The following HDAC9 variants were observed in gnomAD, a reference collection of about 807,000 sequenced individuals.
The protein encoded by HDAC9 is MEF-2 interacting transcription repressor (MITR) protein.
HDAC9 carries 41 observed loss-of-function variants against 139.4 expected under a neutral mutation model. The ratio of observed to expected loss-of-function variants is 0.29; its 90% CI spans 0.23 to 0.38. The LOEUF (loss-of-function observed/expected upper bound fraction) is 0.38, where lower values mean the gene tolerates loss of function less well. HDAC9 is among the 10% of genes least tolerant of loss of function. The pLI is 1.00. For synonymous variants in HDAC9, 517 were observed against 476.2 expected, an observed-to-expected ratio of 1.09 and a Z score of -1.12; for missense variants, 1,147 against 1,297.0, an observed-to-expected ratio of 0.88 and a Z score of 1.78.
intron 1 of HDAC9, among the ~76,000 whole-genome samples, chr7:18,364,132 G>T (rs188151237): frequency 6.6e-6 from 1 of 152,162 alleles, no homozygotes; most frequent in Non-Finnish European, 1.5e-5. Flanking sequence ...AGGATGCAAA[G>T]TTGGCGTCAC....
rs141938399 is a variant in HDAC9 at position 18,541,811 on chromosome 7, C to T, written c.23-43470C>T. 4.4e-3 allele frequency among the ~76,000 whole-genome samples: 675 copies of T among 152,242 alleles called. 4 individuals carry two copies. The highest frequency in any genetic ancestry group is 7.0e-3 in the Admixed American group (107 of 15,298). ...AGACTGTGAGTGGAATTTTAGATAA[C>T]AACATATGTTCATAGTGATTCATGA... On this transcript the variant is annotated intron_variant, in intron 2 of 25. Transcript: ENST00000686413.
intron 2 of HDAC9, among the ~76,000 whole-genome samples, chr7:18,261,400 C>G (rs1795670197): frequency 6.6e-6 from 1 of 152,150 alleles, no homozygotes; most frequent in Non-Finnish European, 1.5e-5. Flanking sequence ...GAATCCAGTA[C>G]TGCAACTCTC....
chr7:18,644,817 C>G, intron 9 of HDAC9, 24 bp downstream of exon 9: 2 of 1,599,456 alleles, frequency 1.3e-6, no homozygotes, highest in Non-Finnish European at 1.7e-6. Flanking sequence ...CAGCATCAGC[C>G]TTAATCAACC....
intron 1 of HDAC9, among the ~76,000 whole-genome samples, chr7:18,484,678 T>C (rs143279994): frequency 1.3e-5 from 2 of 152,232 alleles, no homozygotes; most frequent in African/African-American, 4.8e-5. Context: ...CAACACATAA[T>C]TATTCCTAAT....
intron 1 of HDAC9, among the ~76,000 whole-genome samples, chr7:18,345,938 A>G (rs1451895943): frequency 6.6e-6 from 1 of 152,088 alleles, no homozygotes; most frequent in Non-Finnish European, 1.5e-5. Context: ...TGTATAGTAC[A>G]TTTATGTTCC....
intron 1 of HDAC9, among the ~76,000 whole-genome samples, chr7:18,295,513 CATATT>C (rs1295653806): frequency 2.0e-5 from 3 of 152,056 alleles, no homozygotes; most frequent in African/African-American, 7.2e-5. Flanking sequence ...ATAAAAGAGA[CATATT>C]ATTTTCCCAA....
At chr7:18,832,786 A>G (rs1795952482) in intron 19 of HDAC9, among the ~76,000 whole-genome samples, 1 of 152,134 alleles carries the variant, frequency 6.6e-6, no homozygotes, top group South Asian at 2.1e-4. Flanking sequence ...CCCAGGCTGG[A>G]GTGCAATGGC....
intron 12 of HDAC9, among the ~76,000 whole-genome samples, chr7:18,711,830 A>G (rs192784235): frequency 2.0e-4 from 31 of 152,144 alleles, no homozygotes; most frequent in African/African-American, 5.8e-4. Context: ...TTTCTCTTGG[A>G]GCTCAAATAG....
chr7:18,781,489 C>G (rs1343546477), intron 16 of HDAC9, among the ~76,000 whole-genome samples: 1 of 152,024 alleles, frequency 6.6e-6, no homozygotes, highest in African/African-American at 2.4e-5. Context: ...GGTCCAGCAC[C>G]TAGTAGGTGC....
intron 14 of HDAC9, among the ~76,000 whole-genome samples, chr7:18,759,152 C>G (rs1248281674): frequency 6.6e-6 from 1 of 152,072 alleles, no homozygotes; most frequent in African/African-American, 2.4e-5. Flanking sequence ...AATGAGCTGT[C>G]TTTACTGTTA....
intron 3 of HDAC9, among the ~76,000 whole-genome samples, chr7:18,586,225 A>G (rs184332534): frequency 6.6e-6 from 1 of 152,218 alleles, no homozygotes; most frequent in East Asian, 1.9e-4. Context: ...TTATTATCTA[A>G]TAATATTAGA....
At chr7:18,529,159 T>C (rs573797894) in intron 2 of HDAC9, among the ~76,000 whole-genome samples, 1 of 151,896 alleles carries the variant, frequency 6.6e-6, no homozygotes, top group East Asian at 1.9e-4. Context: ...AAATTAAAAA[T>C]AGGAGACAGA....
At chr7:18,355,592 C>G (rs1171527303) in intron 1 of HDAC9, among the ~76,000 whole-genome samples, 2 of 152,058 alleles carry the variant, frequency 1.3e-5, no homozygotes, top group Non-Finnish European at 2.9e-5. Flanking sequence ...TAAAAGTATA[C>G]CCAGAGTGAA....
intron 25 of HDAC9, among the ~76,000 whole-genome samples, chr7:18,980,461 A>G (rs985169700): frequency 1.3e-5 from 2 of 152,158 alleles, no homozygotes; most frequent in Admixed American, 1.3e-4. Flanking sequence ...AAGTTACTTA[A>G]TCTCTCTGAG....
In HDAC9 at chr7:18,678,321, A is replaced by G. The variant is rs117079631; in HGVS notation, c.1731+11845A>G. ...CCTTAATGTGGTTTTCTCTGTGTAC[A>G]TCCTTCTTTGGTTCACTGAGCTTCT... On this transcript the variant is annotated intron_variant, in intron 12 of 25. Transcript: ENST00000686413. Among the ~76,000 whole-genome samples the G allele has an allele frequency of 1.3e-3, 202 of 151,894 alleles. 1 individual carries two copies. Among genetic ancestry groups the G allele is most frequent in the Middle Eastern group, 3.4e-3 (1 of 294 alleles).
intron 14 of HDAC9, among the ~76,000 whole-genome samples, chr7:18,761,053 T>C (rs1251710095): frequency 2.0e-5 from 3 of 152,230 alleles, no homozygotes; most frequent in African/African-American, 7.2e-5. Context: ...TGTTGTTCTG[T>C]ACTTCAATAT....
intron 1 of HDAC9, among the ~76,000 whole-genome samples, chr7:18,138,562 G>GCACACGCACGCGCTCA (rs1269718056): frequency 0.024 from 3,523 of 145,340 alleles, 153 homozygotes; most frequent in African/African-American, 0.088. Context: ...GTGTGTGTGT[G>GCACACGCACGCGCTCA]TGCACATGCT....
At chr7:18,411,409 C>G (rs1413501557) in intron 1 of HDAC9, among the ~76,000 whole-genome samples, 2 of 152,162 alleles carry the variant, frequency 1.3e-5, no homozygotes, top group South Asian at 2.1e-4. Context: ...GAGTCTTGCT[C>G]TGTCACTCAG....
chr7:18,604,211 C>T (rs1231098980), intron 6 of HDAC9, among the ~76,000 whole-genome samples: 2 of 151,938 alleles, frequency 1.3e-5, no homozygotes, highest in Admixed American at 1.3e-4. Flanking sequence ...TTTATTCTTT[C>T]TCTCTTTCTT....
Sources: allele counts gnomAD v4.1 joint callset (sites outside exome capture counted in the v4.1 genomes callset), GRCh38; gene constraint gnomAD v4.1.1; transcripts MANE v1.5; gene names NCBI Gene and HGNC (gene_info 2026-07-23, HGNC 2026-07-21).